The following ITGAV variants were observed in gnomAD, a reference collection of about 807,000 sequenced individuals.
ITGAV encodes integrin subunit alpha V.
Under a neutral mutation model 143.8 loss-of-function variants are expected in ITGAV, and 76 were observed. That is an observed-to-expected ratio of 0.53 (90% CI 0.44 to 0.64). ITGAV has a LOEUF of 0.64. ITGAV is among the 30% of genes least tolerant of loss of function. The pLI, the probability that ITGAV is intolerant of heterozygous loss-of-function variation, is 0.00. For synonymous variants in ITGAV, 453 were observed against 446.7 expected, an observed-to-expected ratio of 1.01 and a Z score of -0.18; for missense variants, 1,193 against 1,274.7, an observed-to-expected ratio of 0.94 and a Z score of 0.98.
At chr2:186,629,248 C>T (rs1687756309) in intron 4 of ITGAV, among the ~76,000 whole-genome samples, 1 of 151,972 alleles carries the variant, frequency 6.6e-6, no homozygotes, top group Non-Finnish European at 1.5e-5. Flanking sequence ...GGCAAAAGCA[C>T]TCAGTTTAAT....
At chr2:186,622,124 A>G (rs1687543473) in intron 2 of ITGAV, among the ~76,000 whole-genome samples, 1 of 152,228 alleles carries the variant, frequency 6.6e-6, no homozygotes, top group Non-Finnish European at 1.5e-5. Context: ...TGGGGCTAAT[A>G]ATAACACTGA....
intron 23 of ITGAV, 145 bp from the exon 24 acceptor site, chr2:186,667,526 G>A: frequency 3.8e-6 from 2 of 529,076 alleles, no homozygotes; most frequent in Non-Finnish European, 6.7e-6. Context: ...TTGTGCATGT[G>A]TGTGTTCATT....
intron 19 of ITGAV, 22 bp downstream of exon 19, chr2:186,663,857 A>C: frequency 6.5e-7 from 1 of 1,537,606 alleles, no homozygotes; most frequent in Non-Finnish European, 9.0e-7. Flanking sequence ...TTGAAATAAT[A>C]ATGTAGTAAG....
At chr2:186,601,860 A>G (rs1686916280) in intron 1 of ITGAV, among the ~76,000 whole-genome samples, 161 bp from the exon 2 acceptor site, 1 of 152,224 alleles carries the variant, frequency 6.6e-6, no homozygotes, top group Admixed American at 6.5e-5. Flanking sequence ...CATGCAAGAG[A>G]CTACCAAATG....
intron 15 of ITGAV, 42 bp downstream of exon 15, chr2:186,652,131 G>C (rs186313113): frequency 3.0e-5 from 36 of 1,203,672 alleles, no homozygotes; most frequent in Non-Finnish European, 4.3e-5. Flanking sequence ...TGTGATTATT[G>C]TTCAGGCATT....
chr2:186,664,271 A>G (rs1240183461), intron 19 of ITGAV, among the ~76,000 whole-genome samples: 1 of 152,186 alleles, frequency 6.6e-6, no homozygotes, highest in Non-Finnish European at 1.5e-5. Context: ...AATGATAGTG[A>G]TATATTAGTG....
At chr2:186,650,865 A>T (rs1043383179) in intron 14 of ITGAV, among the ~76,000 whole-genome samples, 3 of 152,064 alleles carry the variant, frequency 2.0e-5, no homozygotes, top group African/African-American at 7.2e-5. Flanking sequence ...TTGTCTTTTA[A>T]ATTATGTTCA....
intron 2 of ITGAV, among the ~76,000 whole-genome samples, chr2:186,618,579 G>A (rs1300206042): frequency 6.6e-6 from 1 of 152,222 alleles, no homozygotes; most frequent in South Asian, 2.1e-4. Context: ...CCAGCAGCAT[G>A]TTGTGCCACC....
Position 186,667,233 on chromosome 2 carries a change from C to G in ITGAV, c.2327+3C>G. The G allele has an allele frequency of 1.3e-6, 2 of 1,594,776 alleles. No homozygotes were observed. The highest frequency in any genetic ancestry group is 1.7e-6 in the Non-Finnish European group (2 of 1,163,352). ...TTAGCTGCAGTTGAGATAAGAGGGT[C>G]AGTATGAATACTTAGTTGAGTATCT... On this transcript the variant is annotated splice_donor_region_variant and intron_variant, in intron 23 of 29. Coordinates refer to ENST00000261023, the MANE Select transcript of ITGAV (RefSeq NM_002210.5).
chr2:186,612,928 C>T (rs1456061701), intron 2 of ITGAV, among the ~76,000 whole-genome samples: 1 of 152,140 alleles, frequency 6.6e-6, no homozygotes, highest in Non-Finnish European at 1.5e-5. Context: ...AATCTGTTAT[C>T]CCCTGTTACA....
chr2:186,607,342 T>A (rs886537795), intron 2 of ITGAV, among the ~76,000 whole-genome samples: 3 of 152,208 alleles, frequency 2.0e-5, no homozygotes, highest in Admixed American at 1.3e-4. Context: ...TTTGTCATTA[T>A]TCACATTTTT....
chr2:186,654,387 G>A (rs1464561936), intron 15 of ITGAV, among the ~76,000 whole-genome samples: 1 of 151,460 alleles, frequency 6.6e-6, no homozygotes, highest in African/African-American at 2.4e-5. Flanking sequence ...TTTATCAATA[G>A]GTTCTATAAG....
At chr2:186,670,076 C>T (rs1689022283) in intron 26 of ITGAV, 6 of 394,494 alleles carry the variant, frequency 1.5e-5, no homozygotes, top group Non-Finnish European at 2.7e-5. Context: ...TAACTGTCCT[C>T]TTTCTGGGCC....
intron 1 of ITGAV, among the ~76,000 whole-genome samples, chr2:186,597,055 C>T (rs894900870): frequency 3.9e-5 from 6 of 152,176 alleles, no homozygotes; most frequent in Non-Finnish European, 8.8e-5. Flanking sequence ...ACTTAATGAA[C>T]ATCCATTTGT....
At chr2:186,656,174 A>G (rs1173079359) in intron 16 of ITGAV, 73 bp from the exon 17 acceptor site, 36 of 1,126,100 alleles carry the variant, frequency 3.2e-5, no homozygotes, top group Non-Finnish European at 4.5e-5. Flanking sequence ...CTCTGTTTAC[A>G]TGAAAACTCT....
intron 6 of ITGAV, among the ~76,000 whole-genome samples, chr2:186,635,426 C>G (rs1377940415): frequency 6.6e-6 from 1 of 152,156 alleles, no homozygotes; most frequent in African/African-American, 2.4e-5. Context: ...TGCTGTAGAT[C>G]CAGTCTCTGT....
intron 5 of ITGAV, among the ~76,000 whole-genome samples, chr2:186,631,998 G>A (rs1419139907): frequency 6.6e-6 from 1 of 152,170 alleles, no homozygotes; most frequent in African/African-American, 2.4e-5. Flanking sequence ...CTGCATTCCA[G>A]CCTGGGCAAC....
chr2:186,635,273 A>G (rs1167455059), intron 6 of ITGAV, among the ~76,000 whole-genome samples: 1 of 152,204 alleles, frequency 6.6e-6, no homozygotes, highest in East Asian at 1.9e-4. Flanking sequence ...TAGAATGGAG[A>G]AAAGAATAAT....
Position 186,633,322 on chromosome 2 carries a change from C to A in ITGAV, c.586-7C>A. 1 of 1,567,080 alleles carries A rather than the reference C, an allele frequency of 6.4e-7. No homozygotes were observed. Among genetic ancestry groups the A allele is most frequent in the Non-Finnish European group, 8.7e-7 (1 of 1,145,588 alleles). On this transcript the variant is annotated splice_polypyrimidine_tract_variant and splice_region_variant and intron_variant, in intron 5 of 29. Coordinates refer to ENST00000261023, the MANE Select transcript of ITGAV (RefSeq NM_002210.5). ...TATATATCTTTTTGTTGTGTGATTTCATCTAGGCTGACAGAGTACTTCTTG... is the reference window on the plus strand; with the variant it reads ...TATATATCTTTTTGTTGTGTGATTTAATCTAGGCTGACAGAGTACTTCTTG...
Sources: gnomAD v4.1 joint callset for allele counts (sites outside exome capture counted in the v4.1 genomes callset) on GRCh38, gnomAD v4.1.1 for gene constraint, MANE v1.5 for transcripts, NCBI Gene and HGNC (gene_info 2026-07-23, HGNC 2026-07-21) for gene names.